Variants in SDK1 observed in about 807,000 individuals in gnomAD.
SDK1 encodes sidekick cell adhesion molecule 1.
SDK1 carries 157 observed loss-of-function variants against 245.5 expected under a neutral mutation model. The ratio of observed to expected loss-of-function variants is 0.64; its 90% confidence interval spans 0.56 to 0.73. The LOEUF (loss-of-function observed/expected upper bound fraction) is 0.73, where lower values mean the gene tolerates loss of function less well. SDK1 is among the 30% of genes least tolerant of loss of function. SDK1 has a pLI of 0.00. For missense variants in SDK1, 3,583 were observed against 3,002.3 expected (o/e 1.19, Z -4.52); for synonymous variants, 1,647 against 1,278.5 (o/e 1.29, Z -6.15).
intron 4 of SDK1, among the ~76,000 whole-genome samples, chr7:3,733,901 G>A (rs1435188829): frequency 6.6e-6 from 1 of 150,690 alleles, no homozygotes; most frequent in Non-Finnish European, 1.5e-5. Flanking sequence ...CTGTTCTGGA[G>A]TCTGCCCAGA....
At chr7:3,791,738 A>T (rs929487311) in intron 4 of SDK1, among the ~76,000 whole-genome samples, 6 of 152,108 alleles carry the variant, frequency 3.9e-5, no homozygotes, top group African/African-American at 1.4e-4. Context: ...ATCAAGGGTG[A>T]TCTGTTCGGA....
intron 32 of SDK1, among the ~76,000 whole-genome samples, chr7:4,173,861 G>A (rs941654351): frequency 3.9e-5 from 6 of 152,160 alleles, no homozygotes; most frequent in Admixed American, 2.6e-4. Flanking sequence ...GCCGCCTCTC[G>A]AGGTTCCACC....
At chr7:4,128,802 AC>A (rs1283591197) in intron 26 of SDK1, among the ~76,000 whole-genome samples, 6 of 136,534 alleles carry the variant, frequency 4.4e-5, no homozygotes, top group Non-Finnish European at 7.9e-5. Flanking sequence ...GGAGGAGAGC[AC>A]CTTGGGGTAG....
intron 1 of SDK1, among the ~76,000 whole-genome samples, chr7:3,439,315 C>A (rs1780125520): frequency 6.6e-6 from 1 of 152,066 alleles, no homozygotes; most frequent in African/African-American, 2.4e-5. Flanking sequence ...GCTTAAAAAC[C>A]AATAAAGCTA....
chr7:3,309,523 GA>G lies in SDK1; in HGVS notation c.298+7640del, dbSNP rs1328905430. 4.5e-3 allele frequency among the ~76,000 whole-genome samples: 207 copies of G among 46,510 alleles called. 1 individual carries two copies. Among genetic ancestry groups the G allele is most frequent in the Non-Finnish European group, 7.0e-3 (162 of 23,072 alleles). 30.5% of individuals were successfully genotyped at this position (46,510 alleles called of 152,430 possible). On this transcript the variant is annotated intron_variant, in intron 1 of 44. Transcript: ENST00000404826. ...TAGTGGCAGAGTGTCACTAGAAAAA[GA>G]TTTTTTTTTTTTTTTTTTACATGAG...
chr7:3,521,383 C>T (rs1782933293), intron 1 of SDK1, among the ~76,000 whole-genome samples: 1 of 151,988 alleles, frequency 6.6e-6, no homozygotes. Flanking sequence ...GGAACATGGA[C>T]ATCTTTTGGG....
At chr7:4,005,255 C>T (rs6462524) in intron 14 of SDK1, among the ~76,000 whole-genome samples, 43,601 of 151,410 alleles carry the variant, frequency 0.29, 6,693 homozygotes, top group African/African-American at 0.39. Context: ...CCATGTTGGC[C>T]AGGATGGTCT....
At chr7:4,236,572 C>T (rs758892612) in intron 41 of SDK1, among the ~76,000 whole-genome samples, 3 of 151,978 alleles carry the variant, frequency 2.0e-5, no homozygotes, top group Non-Finnish European at 4.4e-5. Context: ...GTGTTTGCGG[C>T]GGGGGCTTCC....
At chr7:4,235,908 T>C (rs554676525) in intron 41 of SDK1, among the ~76,000 whole-genome samples, 1 of 152,328 alleles carries the variant, frequency 6.6e-6, no homozygotes, top group Non-Finnish European at 1.5e-5. Context: ...GGCCTTCCTT[T>C]CCTACCAGGT....
At chr7:3,317,802 G>A (rs1779700482) in intron 1 of SDK1, among the ~76,000 whole-genome samples, 1 of 152,124 alleles carries the variant, frequency 6.6e-6, no homozygotes, top group Non-Finnish European at 1.5e-5. Flanking sequence ...TTGTTCATAA[G>A]CCTCTTTATT....
At chr7:3,694,770 A>G (rs1333396543) in intron 4 of SDK1, among the ~76,000 whole-genome samples, 1 of 152,186 alleles carries the variant, frequency 6.6e-6, no homozygotes, top group Non-Finnish European at 1.5e-5. Flanking sequence ...TTTTACAAAC[A>G]TCCCTGGTAA....
chr7:3,993,546 A>G (rs902702407), intron 14 of SDK1, among the ~76,000 whole-genome samples: 1 of 152,232 alleles, frequency 6.6e-6, no homozygotes, highest in African/African-American at 2.4e-5. Flanking sequence ...AATGTAAAAT[A>G]CATTTGTACT....
At chr7:4,176,998 G>A (rs1782255595) in intron 34 of SDK1, among the ~76,000 whole-genome samples, 1 of 152,218 alleles carries the variant, frequency 6.6e-6, no homozygotes, top group Non-Finnish European at 1.5e-5. Context: ...TCAACACACA[G>A]AACTTGGCTG....
At chr7:3,325,547 C>G (rs1412424647) in intron 1 of SDK1, among the ~76,000 whole-genome samples, 1 of 151,760 alleles carries the variant, frequency 6.6e-6, no homozygotes, top group African/African-American at 2.4e-5. Flanking sequence ...ATCCTAGTTC[C>G]CAGGGGCCAA....
chr7:4,031,689 A>G (rs901302741), intron 17 of SDK1, among the ~76,000 whole-genome samples: 11 of 152,176 alleles, frequency 7.2e-5, no homozygotes, highest in Admixed American at 5.2e-4. Flanking sequence ...ATATGTAGCT[A>G]TATGACAGAA....
intron 4 of SDK1, among the ~76,000 whole-genome samples, chr7:3,798,868 A>G (rs973449524): frequency 1.4e-4 from 22 of 152,228 alleles, no homozygotes; most frequent in African/African-American, 4.1e-4. Flanking sequence ...CTTGGAGGTT[A>G]TGCACATACT....
At chr7:3,647,689 C>G (rs912042923) in intron 4 of SDK1, among the ~76,000 whole-genome samples, 1 of 152,140 alleles carries the variant, frequency 6.6e-6, no homozygotes, top group African/African-American at 2.4e-5. Flanking sequence ...CTCTGCCTCC[C>G]AAAGTGCTGG....
intron 4 of SDK1, among the ~76,000 whole-genome samples, chr7:3,653,333 A>G (rs1056326371): frequency 1.3e-5 from 2 of 152,146 alleles, no homozygotes; most frequent in South Asian, 4.1e-4. Flanking sequence ...GTTTTCTTGA[A>G]AAACTCGGTT....
At chr7:4,052,826 T>A (rs1382277514) in intron 19 of SDK1, among the ~76,000 whole-genome samples, 2 of 152,178 alleles carry the variant, frequency 1.3e-5, no homozygotes, top group African/African-American at 4.8e-5. Context: ...CAGTGGTTCA[T>A]GCCTGTAATC....
Sources: gnomAD v4.1 joint callset for allele counts (sites outside exome capture counted in the v4.1 genomes callset) on GRCh38, gnomAD v4.1.1 for gene constraint, MANE v1.5 for transcripts, NCBI Gene and HGNC (gene_info 2026-07-23, HGNC 2026-07-21) for gene names.